Variants in TMEM38B observed in about 807,000 individuals in gnomAD.
TMEM38B encodes the protein transmembrane protein 38B.
In TMEM38B, 24 loss-of-function variants were observed where a neutral mutation model predicts 28.7. The observed-to-expected ratio is 0.84, with a 90% CI of 0.61 to 1.18. The LOEUF (loss-of-function observed/expected upper bound fraction) is 1.18, where lower values mean the gene tolerates loss of function less well. TMEM38B is among the 50% of genes most tolerant of loss of function. The pLI, the probability that TMEM38B is intolerant of heterozygous loss-of-function variation, is 0.00. For synonymous variants in TMEM38B, 131 were observed against 127.7 expected (o/e 1.03, Z -0.17); for missense variants, 380 against 350.9 (o/e 1.08, Z -0.66).
intron 4 of TMEM38B, among the ~76,000 whole-genome samples, chr9:105,741,767 T>C (rs1399896893): frequency 1.3e-5 from 2 of 152,190 alleles, no homozygotes; most frequent in African/African-American, 4.8e-5. Context: ...TAAATGCTAC[T>C]AACCAAACAA....
At chr9:105,766,875 T>G (rs189560701) in intron 5 of TMEM38B, among the ~76,000 whole-genome samples, 101 of 150,314 alleles carry the variant, frequency 6.7e-4, no homozygotes, top group African/African-American at 2.2e-3. Context: ...TATCTCTTAG[T>G]GCTATCCCTC....
chr9:105,763,762 G>A (rs2133643917), intron 5 of TMEM38B, among the ~76,000 whole-genome samples: 1 of 151,930 alleles, frequency 6.6e-6, no homozygotes, highest in Admixed American at 6.6e-5. Context: ...ACGAAAGCTG[G>A]GCAGAGACAC....
intron 5 of TMEM38B, among the ~76,000 whole-genome samples, chr9:105,756,079 A>C (rs995885879): frequency 2.0e-5 from 3 of 152,254 alleles, no homozygotes; most frequent in South Asian, 2.1e-4. Context: ...AAATACAAAA[A>C]CAGAGGTTTC....
At position 105,694,745 on chromosome 9, in the gene TMEM38B, T is replaced by C; in HGVS notation, c.85T>C (p.Ser29Pro). The C allele has an allele frequency of 4.3e-6, 7 of 1,611,398 alleles. No individual in the cohort carries two copies. Among genetic ancestry groups the C allele is most frequent in the Non-Finnish European group, 5.1e-6 (6 of 1,178,994 alleles). ...TTTTGACATCGCGCACTATCTAGTG[T>C]CAGTGATGGCGGTGAAACGTCAGCC... is the stretch of plus-strand genomic sequence containing the variant. ...PFFDIAHYLV[S>P]VMAVKRQPGA... The change falls in exon 1 of 6, where the codon TCA becomes CCA. Residue 29 changes from serine to proline, a missense_variant. Transcript: ENST00000374692.
chr9:105,772,209 G>C (rs777787384), intron 5 of TMEM38B, among the ~76,000 whole-genome samples: 1 of 152,146 alleles, frequency 6.6e-6, no homozygotes, highest in Non-Finnish European at 1.5e-5. Flanking sequence ...TGTCTGCTAG[G>C]CTTTTGGATT....
chr9:105,710,359 T>A, intron 2 of TMEM38B: 1 of 742,034 alleles, frequency 1.3e-6, no homozygotes, highest in Non-Finnish European at 2.4e-6. Context: ...GATTATATGA[T>A]CTTCTATAGT....
chr9:105,711,941 A>G (rs1304575828), intron 2 of TMEM38B, among the ~76,000 whole-genome samples: 1 of 150,502 alleles, frequency 6.6e-6, no homozygotes, highest in African/African-American at 2.4e-5. Context: ...TTTTTTCTGG[A>G]GACGGAGTCT....
intron 1 of TMEM38B, among the ~76,000 whole-genome samples, chr9:105,704,229 TA>T (rs71366011): frequency 0.14 from 20,105 of 148,750 alleles, 1,962 homozygotes; most frequent in East Asian, 0.47. Context: ...ACTTAAAGTA[TA>T]AAAAAAAAAT....
intron 2 of TMEM38B, among the ~76,000 whole-genome samples, chr9:105,706,415 G>GATA (rs1030656183): frequency 2.0e-5 from 3 of 152,196 alleles, no homozygotes; most frequent in African/African-American, 7.2e-5. Flanking sequence ...AATACAGGAG[G>GATA]ATATTTATTG....
intron 4 of TMEM38B, among the ~76,000 whole-genome samples, chr9:105,732,984 G>T (rs200019925): frequency 1.3e-5 from 2 of 151,904 alleles, no homozygotes; most frequent in African/African-American, 4.8e-5. Flanking sequence ...CCTTCATTTC[G>T]TTATTTACCC....
At chr9:105,771,613 C>G (rs1564421780) in intron 5 of TMEM38B, among the ~76,000 whole-genome samples, 1 of 152,070 alleles carries the variant, frequency 6.6e-6, no homozygotes, top group Non-Finnish European at 1.5e-5. Flanking sequence ...CAAGCTATGA[C>G]CAAGGTAATT....
chr9:105,707,382 T>C (rs1237682528), intron 2 of TMEM38B, among the ~76,000 whole-genome samples: 2 of 152,176 alleles, frequency 1.3e-5, no homozygotes, highest in African/African-American at 4.8e-5. Flanking sequence ...AGAGGATTGA[T>C]CCATCAAGTT....
At chr9:105,764,635 A>G (rs542472319) in intron 5 of TMEM38B, among the ~76,000 whole-genome samples, 7 of 152,002 alleles carry the variant, frequency 4.6e-5, no homozygotes, top group Non-Finnish European at 8.8e-5. Flanking sequence ...AAGAATCAAT[A>G]TCGTGAAAAT....
intron 1 of TMEM38B, among the ~76,000 whole-genome samples, chr9:105,703,698 C>G (rs1835536628): frequency 1.3e-5 from 2 of 151,916 alleles, no homozygotes; most frequent in South Asian, 2.1e-4. Flanking sequence ...TCCACATCCT[C>G]TCCAGCACCT....
At chr9:105,739,079 G>C (rs1213736206) in intron 4 of TMEM38B, among the ~76,000 whole-genome samples, 2 of 151,908 alleles carry the variant, frequency 1.3e-5, no homozygotes, top group African/African-American at 4.8e-5. Context: ...TTTGTATGTG[G>C]ATGTATAGTT....
intron 4 of TMEM38B, among the ~76,000 whole-genome samples, chr9:105,741,546 T>C (rs1051732506): frequency 6.6e-6 from 1 of 152,168 alleles, no homozygotes. Flanking sequence ...GAACATGATA[T>C]TGGGAACTGG....
chr9:105,724,391 T>C (rs1426281335), intron 4 of TMEM38B, among the ~76,000 whole-genome samples: 1 of 151,862 alleles, frequency 6.6e-6, no homozygotes, highest in Admixed American at 6.6e-5. Context: ...TCCTAGCACT[T>C]TGGGAGGCCG....
intron 5 of TMEM38B, chr9:105,758,545 A>G (rs1477154149): frequency 8.1e-7 from 1 of 1,234,764 alleles, no homozygotes; most frequent in African/African-American, 1.5e-5. Context: ...CAGACTATCC[A>G]ACTGTTGAGG....
chr9:105,733,775 C>T (rs1836863118), intron 4 of TMEM38B, among the ~76,000 whole-genome samples: 1 of 151,836 alleles, frequency 6.6e-6, no homozygotes, highest in Admixed American at 6.6e-5. Context: ...ATAGTAGTTG[C>T]TTATTATTCT....
Sources: allele counts gnomAD v4.1 joint callset (sites outside exome capture counted in the v4.1 genomes callset), GRCh38; gene constraint gnomAD v4.1.1; transcripts MANE v1.5; gene names NCBI Gene and HGNC (gene_info 2026-07-23, HGNC 2026-07-21).